Variants in STXBP5 observed in about 807,000 individuals in gnomAD.
STXBP5 encodes syntaxin binding protein 5, also known as syntaxin-binding protein 5.
A neutral mutation model predicts 152.4 loss-of-function variants in STXBP5; 50 were observed. The ratio of observed to expected loss-of-function variants is 0.33; its 90% CI spans 0.26 to 0.42. STXBP5 has a LOEUF of 0.42. Among genes scored for constraint, STXBP5 ranks in the 10% least tolerant of loss-of-function variants. STXBP5 has a pLI of 1.00. For synonymous variants in STXBP5, 492 were observed against 494.7 expected, an observed-to-expected ratio of 0.99 and a Z score of 0.07; for missense variants, 1,167 against 1,388.6, an observed-to-expected ratio of 0.84 and a Z score of 2.54.
At chr6:147,291,571 TTA>T (rs1781278639) in intron 9 of STXBP5, among the ~76,000 whole-genome samples, 1 of 152,152 alleles carries the variant, frequency 6.6e-6, no homozygotes, top group African/African-American at 2.4e-5. Context: ...AAATTAAATC[TTA>T]TATGAGTATC....
chr6:147,238,725 A>G (rs1582825936), intron 3 of STXBP5, among the ~76,000 whole-genome samples: 1 of 152,192 alleles, frequency 6.6e-6, no homozygotes, highest in African/African-American at 2.4e-5. Flanking sequence ...CCATTCTAGT[A>G]GTAGAATTAT....
intron 2 of STXBP5, among the ~76,000 whole-genome samples, chr6:147,211,709 AC>A (rs527751047): frequency 1.3e-5 from 2 of 152,232 alleles, no homozygotes; most frequent in South Asian, 4.1e-4. Context: ...ACCTTGGCCT[AC>A]CAAGTATTTG....
intron 2 of STXBP5, among the ~76,000 whole-genome samples, chr6:147,213,434 A>ATATATGTGTGTGTGTGTGTGTGTGTG (rs1216361619): frequency 2.3e-5 from 2 of 85,534 alleles, no homozygotes; most frequent in African/African-American, 8.6e-5. Context: ...AATTTTATAT[A>ATATATGTGTGTGTGTGTGTGTGTGTG]TGTGTGTGTG....
intron 9 of STXBP5, 99 bp downstream of exon 9, chr6:147,291,271 G>T: frequency 2.6e-6 from 2 of 758,884 alleles, no homozygotes; most frequent in South Asian, 3.3e-5. Context: ...TTTTAGAATA[G>T]TCTACACCAT....
In STXBP5 at chr6:147,204,802, C is replaced by A; in HGVS notation, c.150+120C>A. The A allele has an allele frequency of 8.7e-7, 1 of 1,144,192 alleles. No homozygotes were observed. Among genetic ancestry groups the A allele is most frequent in the Non-Finnish European group, 1.2e-6 (1 of 842,076 alleles). The allele number at this position is 1,144,192 out of a possible 1,614,324, so 70.9% of individuals were successfully genotyped here. ...AGAACGCCAATAATAATAATAATAA[C>A]TCTAATAAAAGGCTCGCTCCTCCCT... On this transcript the variant is annotated intron_variant, in intron 1 of 27. Coordinates refer to ENST00000321680, the MANE Select transcript of STXBP5 (RefSeq NM_001127715.4). The surrounding 1 kb of genome is among the most constrained non-coding windows in gnomAD (Gnocchi z 4.3).
chr6:147,222,519 G>C (rs1364275459), intron 2 of STXBP5, among the ~76,000 whole-genome samples: 1 of 152,136 alleles, frequency 6.6e-6, no homozygotes, highest in Non-Finnish European at 1.5e-5. Context: ...GGTGGAATAA[G>C]ATGGCTAAAG....
intron 6 of STXBP5, among the ~76,000 whole-genome samples, 165 bp downstream of exon 6, chr6:147,262,518 A>T (rs1430340122): frequency 1.3e-5 from 2 of 152,042 alleles, no homozygotes; most frequent in Non-Finnish European, 2.9e-5. Context: ...CAAATGAAAG[A>T]ATTAGAATCA....
At chr6:147,209,771 G>A (rs1289275168) in intron 2 of STXBP5, among the ~76,000 whole-genome samples, 1 of 152,074 alleles carries the variant, frequency 6.6e-6, no homozygotes, top group Admixed American at 6.6e-5. Context: ...TCTATACATT[G>A]GTAGATAAGT....
intron 25 of STXBP5, among the ~76,000 whole-genome samples, chr6:147,369,927 T>TG (rs1415497133): frequency 1.3e-5 from 2 of 151,642 alleles, no homozygotes; most frequent in African/African-American, 2.4e-5. Context: ...TTTACTCATT[T>TG]TTTTTAAATT....
intron 9 of STXBP5, among the ~76,000 whole-genome samples, chr6:147,305,611 A>C (rs1447037067): frequency 1.3e-5 from 2 of 152,222 alleles, no homozygotes; most frequent in African/African-American, 4.8e-5. Flanking sequence ...AATACCAAAT[A>C]GGAGAGTGTG....
At chr6:147,347,278 G>C (rs1248323556) in intron 21 of STXBP5, among the ~76,000 whole-genome samples, 3 of 152,166 alleles carry the variant, frequency 2.0e-5, no homozygotes, top group Non-Finnish European at 4.4e-5. Flanking sequence ...ATAAATAATA[G>C]AGGTAAAGAG....
chr6:147,308,792 CTTGT>C (rs755162543), intron 9 of STXBP5, among the ~76,000 whole-genome samples: 22 of 152,032 alleles, frequency 1.4e-4, no homozygotes, highest in Admixed American at 2.6e-4. Flanking sequence ...TTGATTTACT[CTTGT>C]TTTAGATAAA....
chr6:147,331,839 C>CTTTCT (rs1420337239), intron 18 of STXBP5, among the ~76,000 whole-genome samples: 11 of 146,012 alleles, frequency 7.5e-5, no homozygotes, highest in African/African-American at 2.8e-4. Context: ...ACACAAAACT[C>CTTTCT]TAAGAGTGGC....
intron 7 of STXBP5, 31 bp downstream of exon 7, chr6:147,267,198 GTCATT>G (rs777417402): frequency 1.2e-5 from 19 of 1,542,508 alleles, no homozygotes; most frequent in Non-Finnish European, 1.4e-5. Flanking sequence ...AAAAGCTATG[GTCATT>G]TCTCTCATAT....
Position 147,301,201 on chromosome 6 carries a change from T to C in STXBP5, c.918-8883T>C, listed in dbSNP as rs187002014. On this transcript the variant is annotated intron_variant, in intron 9 of 27. Coordinates refer to ENST00000321680, the MANE Select transcript of STXBP5 (RefSeq NM_001127715.4). ...GAACCTATACATATAGTTGATGGAA[T>C]GTAAATTAGTGCAGCCATTATTGAA... Among the ~76,000 whole-genome samples, 517 of 152,260 alleles carry C rather than the reference T, an allele frequency of 3.4e-3. 2 individuals carry two copies. Among genetic ancestry groups the C allele is most frequent in the Non-Finnish European group, 6.1e-3 (418 of 67,980 alleles).
At chr6:147,325,996 A>G (rs1271538221) in intron 17 of STXBP5, among the ~76,000 whole-genome samples, 2 of 152,222 alleles carry the variant, frequency 1.3e-5, no homozygotes, top group South Asian at 2.1e-4. Context: ...TTTAAAGTAT[A>G]TGGGAGACTG....
chr6:147,373,827 G>C lies in STXBP5; in HGVS notation c.3178G>C (p.Asp1060His). Residue 1060 changes from aspartate to histidine, a missense_variant, in exon 26 of 28, where the codon GAC (aspartate) becomes CAC (histidine). Asp to His is a moderately conservative substitution (Grantham distance 81). Transcript: ENST00000321680. ...GLFGGGAQSLDREELFGESSS... is the reference protein window; with the variant it reads ...GLFGGGAQSLHREELFGESSS... ...ATTTGGAGGTGGTGCACAATCTCTT[G>C]ACAGAGAAGAACTATGTAAGTTGAT... 6.2e-7 allele frequency: 1 copy of C among 1,610,834 alleles called. No individual in the cohort carries two copies. The highest frequency in any genetic ancestry group is 1.7e-5 in the Admixed American group (1 of 60,002).
At chr6:147,285,301 A>G (rs1298773106) in intron 8 of STXBP5, among the ~76,000 whole-genome samples, 1 of 152,196 alleles carries the variant, frequency 6.6e-6, no homozygotes, top group African/African-American at 2.4e-5. Context: ...GAAATCCCCT[A>G]AATGTCTTTC....
At chr6:147,319,176 A>G (rs1445789138) in intron 16 of STXBP5, among the ~76,000 whole-genome samples, 1 of 152,132 alleles carries the variant, frequency 6.6e-6, no homozygotes, top group Non-Finnish European at 1.5e-5. Flanking sequence ...GCTAAAAAAA[A>G]TGGGGGGGTT....
Sources: allele counts gnomAD v4.1 joint callset (sites outside exome capture counted in the v4.1 genomes callset), GRCh38; gene constraint gnomAD v4.1.1; non-coding constraint Gnocchi (gnomAD v3.1); transcripts MANE v1.5; gene names NCBI Gene and HGNC (gene_info 2026-07-23, HGNC 2026-07-21).